Variants in PALLD observed in about 807,000 individuals in gnomAD.
PALLD encodes the protein palladin.
In PALLD, 61 loss-of-function variants were observed where a neutral mutation model predicts 123.5. The observed-to-expected ratio is 0.49, with a 90% CI of 0.40 to 0.61. The LOEUF is 0.61. PALLD is among the 20% of genes least tolerant of loss of function. PALLD has a pLI of 0.00. For synonymous variants in PALLD, 465 were observed against 496.4 expected (o/e 0.94, Z 0.84); for missense variants, 1,273 against 1,377.0 (o/e 0.92, Z 1.20).
At chr4:168,832,958 C>T (rs1243443950) in intron 10 of PALLD, 2 of 152,222 alleles carry the variant, frequency 1.3e-5, no homozygotes, top group Non-Finnish European at 2.9e-5. Context: ...ACCGGCCACG[C>T]GTGGGTTCCC....
intron 2 of PALLD, among the ~76,000 whole-genome samples, chr4:168,564,880 T>C (rs966405067): frequency 7.2e-5 from 11 of 152,076 alleles, no homozygotes; most frequent in Non-Finnish European, 1.5e-4. Flanking sequence ...CTTTCTTAAA[T>C]TTAACATTAT....
At chr4:168,750,537 T>C (rs1391003807) in intron 10 of PALLD, among the ~76,000 whole-genome samples, 1 of 152,202 alleles carries the variant, frequency 6.6e-6, no homozygotes, top group East Asian at 1.9e-4. Context: ...AAATTATATA[T>C]ATATTTTTTA....
At chr4:168,715,040 A>T (rs1785213105) in intron 10 of PALLD, among the ~76,000 whole-genome samples, 1 of 151,998 alleles carries the variant, frequency 6.6e-6, no homozygotes, top group Non-Finnish European at 1.5e-5. Context: ...ACTCACAGCC[A>T]TCCCAGACCT....
chr4:168,567,969 T>TA lies in PALLD; in HGVS notation c.908+55563dup, dbSNP rs1299595321. Among the ~76,000 whole-genome samples, 6 of 152,114 alleles carry TA rather than the reference T, an allele frequency of 3.9e-5. No homozygotes were observed. The South Asian group carries it at 1.0e-3, about 26-fold the overall frequency. ...AAGTTTTTTAAAAAAGAAGTGATTT[T>TA]AAAAAATCAAACTTTTCCATTGGAT... On this transcript the variant is annotated intron_variant, in intron 2 of 21. Transcript: ENST00000505667.
chr4:168,770,489 G>A (rs989381670), intron 10 of PALLD, among the ~76,000 whole-genome samples: 1 of 152,146 alleles, frequency 6.6e-6, no homozygotes, highest in African/African-American at 2.4e-5. Flanking sequence ...CGATCTTCAG[G>A]ACAAACCCAA....
intron 9 of PALLD, among the ~76,000 whole-genome samples, chr4:168,709,412 A>G (rs1784510830): frequency 1.3e-5 from 2 of 150,970 alleles, no homozygotes; most frequent in African/African-American, 4.9e-5. Flanking sequence ...CTGGAGGCTG[A>G]GGCAGGAGAA....
At chr4:168,642,464 C>T (rs138698435) in intron 2 of PALLD, among the ~76,000 whole-genome samples, 4 of 152,194 alleles carry the variant, frequency 2.6e-5, no homozygotes, top group South Asian at 2.1e-4. Context: ...TGAAGTGGCG[C>T]GATCTTAGCT....
intron 10 of PALLD, among the ~76,000 whole-genome samples, chr4:168,809,857 C>T (rs1311210257): frequency 8.0e-6 from 1 of 124,652 alleles, no homozygotes; most frequent in Admixed American, 8.2e-5. Flanking sequence ...GAGAGAGACT[C>T]TGTCTCAAAA....
At chr4:168,586,028 ATATTTTGGTAATT>A (rs1770779712) in intron 2 of PALLD, among the ~76,000 whole-genome samples, 1 of 152,024 alleles carries the variant, frequency 6.6e-6, no homozygotes, top group Non-Finnish European at 1.5e-5. Flanking sequence ...CAATGTCCTC[ATATTTTGGTAATT>A]TTGTTCGAGT....
chr4:168,822,927 A>G (rs1455901355), intron 10 of PALLD, among the ~76,000 whole-genome samples: 1 of 152,138 alleles, frequency 6.6e-6, no homozygotes, highest in Non-Finnish European at 1.5e-5. Context: ...CTTTATATCT[A>G]ATGAAAGAAA....
intron 2 of PALLD, among the ~76,000 whole-genome samples, chr4:168,534,805 C>T (rs1054144940): frequency 6.6e-6 from 1 of 152,182 alleles, no homozygotes; most frequent in Admixed American, 6.5e-5. Flanking sequence ...TCTATAGCTA[C>T]TAGAACAGTT....
At chr4:168,907,667 G>A (rs1373082652) in intron 15 of PALLD, among the ~76,000 whole-genome samples, 1 of 152,134 alleles carries the variant, frequency 6.6e-6, no homozygotes, top group Admixed American at 6.5e-5. Context: ...TCTCTGCTTT[G>A]CAAATCCCAG....
chr4:168,640,330 C>T (rs1432404028), intron 2 of PALLD, among the ~76,000 whole-genome samples: 1 of 152,166 alleles, frequency 6.6e-6, no homozygotes, highest in Non-Finnish European at 1.5e-5. Flanking sequence ...TAATCCTATT[C>T]TTCCACCTCT....
chr4:168,796,637 C>T (rs1166129819), intron 10 of PALLD, among the ~76,000 whole-genome samples: 1 of 152,128 alleles, frequency 6.6e-6, no homozygotes, highest in East Asian at 1.9e-4. Flanking sequence ...CCACTGGTGG[C>T]TGATAAGTAT....
At chr4:168,707,229 A>G (rs1221172481) in intron 8 of PALLD, among the ~76,000 whole-genome samples, 2 of 152,318 alleles carry the variant, frequency 1.3e-5, no homozygotes, top group Middle Eastern at 3.4e-3. Flanking sequence ...ATCAAATTCT[A>G]TGAGTTAGCT....
At chr4:168,760,366 G>A (rs1282242366) in intron 10 of PALLD, among the ~76,000 whole-genome samples, 1 of 152,076 alleles carries the variant, frequency 6.6e-6, no homozygotes, top group Admixed American at 6.6e-5. Context: ...TTACTCTACT[G>A]TGACTACCTC....
intron 16 of PALLD, among the ~76,000 whole-genome samples, chr4:168,914,760 G>A (rs1759756536): frequency 6.6e-6 from 1 of 152,184 alleles, no homozygotes; most frequent in African/African-American, 2.4e-5. Flanking sequence ...GGCCATAGGT[G>A]CAAACTCCTT....
intron 2 of PALLD, among the ~76,000 whole-genome samples, chr4:168,541,900 T>A (rs77214538): frequency 0.024 from 3,709 of 152,300 alleles, 144 homozygotes; most frequent in African/African-American, 0.084. Context: ...GTGAAGACAC[T>A]GTTCAGGATG....
intron 4 of PALLD, 52 bp from the exon 5 acceptor site, chr4:168,682,942 CAAAA>C: frequency 2.2e-6 from 2 of 902,794 alleles, no homozygotes; most frequent in South Asian, 1.9e-5. Context: ...AAAAAAAAAA[CAAAA>C]AAACGAAAAC....
Sources: gnomAD v4.1 joint callset for allele counts (sites outside exome capture counted in the v4.1 genomes callset) on GRCh38, gnomAD v4.1.1 for gene constraint, MANE v1.5 for transcripts, NCBI Gene and HGNC (gene_info 2026-07-23, HGNC 2026-07-21) for gene names.